PSMA2: variants seen among roughly 807,000 people sequenced by gnomAD.
PSMA2 encodes proteasome subunit alpha type-2.
Under a neutral mutation model 35.9 loss-of-function variants are expected in PSMA2, and 2 were observed. The observed-to-expected ratio is 0.06, with a 90% CI of 0.02 to 0.18. The LOEUF (loss-of-function observed/expected upper bound fraction) is 0.18, where lower values mean the gene tolerates loss of function less well. Among genes scored for constraint, PSMA2 ranks in the 10% least tolerant of loss-of-function variants. The pLI is 1.00. For missense variants in PSMA2, 126 were observed against 278.8 expected, an observed-to-expected ratio of 0.45 and a Z score of 3.90; for synonymous variants, 97 against 98.2, an observed-to-expected ratio of 0.99 and a Z score of 0.07.
chr7:42,927,292 TGCA>T (rs1786229500), intron 2 of PSMA2, 88 bp downstream of exon 2: 1 of 1,146,086 alleles, frequency 8.7e-7, no homozygotes. Flanking sequence ...ATTATACTGC[TGCA>T]GCTCTGTATA....
At chr7:42,928,546 C>A (rs906848083) in intron 1 of PSMA2, among the ~76,000 whole-genome samples, 3 of 152,158 alleles carry the variant, frequency 2.0e-5, no homozygotes, top group African/African-American at 7.2e-5. Context: ...TTAAAGTTAT[C>A]CTTTATTTCA....
chr7:42,924,155 C>A (rs1289112606), intron 4 of PSMA2, among the ~76,000 whole-genome samples: 1 of 149,558 alleles, frequency 6.7e-6, no homozygotes, highest in Non-Finnish European at 1.5e-5. Context: ...ACCAGCCTGG[C>A]CAACATAGTG....
Position 42,930,787 on chromosome 7 carries a change from G to C in PSMA2, c.41+1331C>G, listed in dbSNP as rs1008596464. Among the ~76,000 whole-genome samples, 2 of 151,656 alleles carry C rather than the reference G, an allele frequency of 1.3e-5. 1 individual carries two copies. The highest frequency in any genetic ancestry group is 2.9e-5 in the Non-Finnish European group (2 of 67,932). ...AGACTGAGGCAGGAGGATCCCTTGA[G>C]CCCAAGAGCTGGAGGCTGCCAAGTC... On this transcript the variant is annotated intron_variant, in intron 1 of 7. Coordinates refer to ENST00000223321, the MANE Select transcript of PSMA2 (RefSeq NM_002787.5).
At chr7:42,930,589 G>T (rs1786287468) in intron 1 of PSMA2, among the ~76,000 whole-genome samples, 1 of 151,918 alleles carries the variant, frequency 6.6e-6, no homozygotes, top group Non-Finnish European at 1.5e-5. Flanking sequence ...GTTATAAAAA[G>T]ATTCAGTCCC....
chr7:42,929,892 T>C (rs915157215), intron 1 of PSMA2, among the ~76,000 whole-genome samples: 1 of 152,178 alleles, frequency 6.6e-6, no homozygotes, highest in African/African-American at 2.4e-5. Context: ...TTCCTGAATC[T>C]TCAAATAGCT....
intron 6 of PSMA2, chr7:42,919,244 C>T (rs1786086369): frequency 6.4e-6 from 4 of 621,798 alleles, no homozygotes; most frequent in Non-Finnish European, 1.2e-5. Context: ...TGGAATGCAA[C>T]ACTGAATAAG....
chr7:42,917,471 A>C lies in PSMA2; in HGVS notation c.*103T>G. ...ATTTTAAAAACAGTCGATTTAAACC[A>C]TGTAGAAATAAGTATGCAAAAAGTC... On this transcript the variant is annotated 3_prime_UTR_variant, in exon 8 of 8. Transcript: ENST00000223321. The C allele has an allele frequency of 1.2e-6, 1 of 841,290 alleles. No homozygotes were observed. The highest frequency in any genetic ancestry group is 2.5e-5 in the East Asian group (1 of 40,210). 52.1% of individuals were successfully genotyped at this position (841,290 alleles called of 1,614,324 possible). A position where few individuals can be genotyped will look rare whatever the true frequency, so the allele number is the denominator to read the frequency against.
At chr7:42,918,319 C>G (rs1187783929) in intron 6 of PSMA2, 1 of 152,210 alleles carries the variant, frequency 6.6e-6, no homozygotes, top group Non-Finnish European at 1.5e-5. Context: ...AGGCACGAGC[C>G]AACACACCCA....
intron 1 of PSMA2, chr7:42,931,044 AT>A: frequency 3.1e-6 from 1 of 326,438 alleles, no homozygotes; most frequent in East Asian, 1.1e-4. Flanking sequence ...TGGAAAGTGT[AT>A]TTTTGTTATC....
chr7:42,917,700 A>C lies in PSMA2; in HGVS notation c.589-10T>G. ...GCCCTTCAAAGCTTTCCTATTGAGGAGGGAGGAAAAAAGGTCAATTTTCTA... is the reference window on the plus strand; with the variant it reads ...GCCCTTCAAAGCTTTCCTATTGAGGCGGGAGGAAAAAAGGTCAATTTTCTA... On this transcript the variant is annotated splice_polypyrimidine_tract_variant and intron_variant, in intron 7 of 7. Coordinates refer to ENST00000223321, the MANE Select transcript of PSMA2 (RefSeq NM_002787.5). The C allele has an allele frequency of 6.2e-7, 1 of 1,612,658 alleles. No individual in the cohort carries two copies. Among genetic ancestry groups the C allele is most frequent in the Non-Finnish European group, 8.5e-7 (1 of 1,178,936 alleles).
At chr7:42,917,995 A>T (rs981007233) in intron 6 of PSMA2, 160 bp from the exon 7 acceptor site, 15 of 512,080 alleles carry the variant, frequency 2.9e-5, no homozygotes, top group African/African-American at 2.5e-4. Context: ...TCTCCAGATT[A>T]AAAAAACTGA....
At position 42,917,301 on chromosome 7, in the gene PSMA2, C is replaced by T. The variant is rs1458619581; in HGVS notation, c.*273G>A. ...TGACTTAACCAAAATTGCCTGACAA[C>T]GAAAAAGTCATTTCATCATTCTGCT... On this transcript the variant is annotated 3_prime_UTR_variant, in exon 8 of 8. Transcript: ENST00000223321. The T allele has an allele frequency of 3.8e-5, 10 of 266,200 alleles. No individual in the cohort carries two copies. The highest frequency in any genetic ancestry group is 2.1e-4 in the Admixed American group (4 of 18,978). 16.5% of individuals were successfully genotyped at this position (266,200 alleles called of 1,614,324 possible).
intron 5 of PSMA2, among the ~76,000 whole-genome samples, chr7:42,922,170 A>G (rs1191298082): frequency 6.6e-6 from 1 of 152,150 alleles, no homozygotes; most frequent in Admixed American, 6.5e-5. Flanking sequence ...TCATTGTAGT[A>G]ATGGTTTCTT....
Position 42,923,787 on chromosome 7 carries a change from C to T in PSMA2, c.375-381G>A, listed in dbSNP as rs140804237. On this transcript the variant is annotated intron_variant, in intron 4 of 7. Transcript: ENST00000223321. ...GCTTTTCCACTAGGTTTACCTATTA[C>T]AAAATGACAACTTTCAATTACTGCA... Among the ~76,000 whole-genome samples the T allele has an allele frequency of 8.8e-4, 133 of 151,098 alleles. 2 individuals are homozygous for T. Among genetic ancestry groups the T allele is most frequent in the East Asian group, 6.3e-3 (32 of 5,102 alleles).
chr7:42,918,085 T>TC (rs1251620774), intron 6 of PSMA2: 5 of 206,562 alleles, frequency 2.4e-5, no homozygotes, highest in Admixed American at 1.2e-4. Flanking sequence ...TTTTTTTTTT[T>TC]TTTTGAGACA....
chr7:42,917,958 A>G, intron 6 of PSMA2, 123 bp from the exon 7 acceptor site: 2 of 661,818 alleles, frequency 3.0e-6, no homozygotes, highest in South Asian at 2.5e-5. Context: ...TAAATTACAC[A>G]TTCTTTTAAT....
At chr7:42,924,835 T>C (rs1446871900) in intron 3 of PSMA2, 38 bp from the exon 4 acceptor site, 2 of 1,579,976 alleles carry the variant, frequency 1.3e-6, no homozygotes, top group East Asian at 2.3e-5. Context: ...ACACAGAACA[T>C]GCTCTACTAC....
At chr7:42,930,223 ACG>A (rs200403801) in intron 1 of PSMA2, among the ~76,000 whole-genome samples, 1 of 4,820 alleles carries the variant, frequency 2.1e-4, no homozygotes, top group Non-Finnish European at 1.0e-3. Flanking sequence ...ACACACACAC[ACG>A]CACACACACA....
At chr7:42,926,499 T>C in intron 3 of PSMA2, 37 bp downstream of exon 3, 1 of 1,501,108 alleles carries the variant, frequency 6.7e-7, no homozygotes, top group Non-Finnish European at 8.9e-7. Context: ...AATCAATTCA[T>C]GAGATGGTGA....
Sources: gnomAD v4.1 joint callset for allele counts (sites outside exome capture counted in the v4.1 genomes callset) on GRCh38, gnomAD v4.1.1 for gene constraint, MANE v1.5 for transcripts, NCBI Gene and HGNC (gene_info 2026-07-23, HGNC 2026-07-21) for gene names.